Variants in MYO10 observed in about 807,000 individuals in gnomAD.
MYO10 encodes the protein unconventional myosin-X.
Under a neutral mutation model 257.3 loss-of-function variants are expected in MYO10, and 133 were observed. The ratio of observed to expected loss-of-function variants is 0.52; its 90% confidence interval spans 0.45 to 0.60. The LOEUF is 0.60. MYO10 is among the 20% of genes least tolerant of loss of function. MYO10 has a pLI of 0.00. For missense variants in MYO10, 2,399 were observed against 2,635.7 expected, an observed-to-expected ratio of 0.91 and a Z score of 1.97; for synonymous variants, 1,104 against 1,028.6, an observed-to-expected ratio of 1.07 and a Z score of -1.40.
intron 2 of MYO10, among the ~76,000 whole-genome samples, chr5:16,822,433 C>T (rs547735920): frequency 6.6e-6 from 1 of 152,198 alleles, no homozygotes; most frequent in Admixed American, 6.5e-5. Context: ...AACAAATATA[C>T]AAGTGAATAG....
In MYO10 at chr5:16,743,373, T is replaced by C. The variant is rs139259156; in HGVS notation, c.1929+11455A>G. On this transcript the variant is annotated intron_variant, in intron 19 of 40. Transcript: ENST00000513610. ...AAACTTCATTCTCAGCTGGACACGG[T>C]GGCTTACGTCTGTAATCCCAGCACT... 9.3e-4 allele frequency among the ~76,000 whole-genome samples: 141 copies of C among 152,306 alleles called. 5 individuals carry two copies. The East Asian group carries it at 0.02, about 22-fold the overall frequency.
intron 2 of MYO10, among the ~76,000 whole-genome samples, chr5:16,854,430 G>A (rs560031085): frequency 6.6e-6 from 1 of 152,276 alleles, no homozygotes; most frequent in South Asian, 2.1e-4. Flanking sequence ...ATTATGCTAA[G>A]TGAAAGAAGC....
chr5:16,834,404 G>C (rs1175087062), intron 2 of MYO10, among the ~76,000 whole-genome samples: 1 of 152,124 alleles, frequency 6.6e-6, no homozygotes, highest in African/African-American at 2.4e-5. Context: ...AGCAAATCCT[G>C]GTGTCTACAA....
intron 2 of MYO10, among the ~76,000 whole-genome samples, chr5:16,829,747 C>T (rs556086802): frequency 2.0e-5 from 3 of 152,202 alleles, no homozygotes; most frequent in African/African-American, 2.4e-5. Context: ...GCAGTGCAGA[C>T]GCAACGAACA....
intron 1 of MYO10, 36 bp from the exon 2 acceptor site, chr5:16,877,743 G>T: frequency 6.4e-7 from 1 of 1,553,760 alleles, no homozygotes; most frequent in South Asian, 1.1e-5. Flanking sequence ...ACTGAGTTTG[G>T]ATTGCATTTT....
chr5:16,830,679 G>GCACACACACACACTCA (rs1554000806), intron 2 of MYO10, among the ~76,000 whole-genome samples: 16 of 149,022 alleles, frequency 1.1e-4, no homozygotes, highest in Non-Finnish European at 1.6e-4. Context: ...TTTTTAATAG[G>GCACACACACACACTCA]CACACACACA....
intron 9 of MYO10, among the ~76,000 whole-genome samples, chr5:16,778,528 G>A (rs959958915): frequency 3.3e-5 from 5 of 152,050 alleles, no homozygotes; most frequent in African/African-American, 1.2e-4. Context: ...GCATCCCACA[G>A]TGAACTGGAG....
chr5:16,883,189 A>G (rs538383088), intron 1 of MYO10, among the ~76,000 whole-genome samples: 2 of 152,250 alleles, frequency 1.3e-5, no homozygotes, highest in Admixed American at 6.5e-5. Context: ...TGCTGGGATT[A>G]CAGGTGTGAG....
At chr5:16,848,151 A>ATTTCTTTTTT (rs1378523507) in intron 2 of MYO10, among the ~76,000 whole-genome samples, 3 of 91,678 alleles carry the variant, frequency 3.3e-5, no homozygotes, top group African/African-American at 1.8e-4. Context: ...AGAACTACAC[A>ATTTCTTTTTT]TTTCTTTTTT....
intron 2 of MYO10, among the ~76,000 whole-genome samples, chr5:16,868,969 T>C (rs936997327): frequency 6.6e-6 from 1 of 152,122 alleles, no homozygotes; most frequent in Non-Finnish European, 1.5e-5. Context: ...AAAGACTGAA[T>C]GAAATAAGAA....
At chr5:16,732,679 C>T (rs1199158058) in intron 19 of MYO10, among the ~76,000 whole-genome samples, 1 of 151,996 alleles carries the variant, frequency 6.6e-6, no homozygotes, top group African/African-American at 2.4e-5. Context: ...GTTATGTCCA[C>T]GCAGTGAGGA....
intron 33 of MYO10, among the ~76,000 whole-genome samples, 181 bp downstream of exon 33, chr5:16,679,766 C>A (rs1208345834): frequency 2.0e-5 from 3 of 152,088 alleles, no homozygotes; most frequent in African/African-American, 7.2e-5. Flanking sequence ...CTCAAGTGAT[C>A]CACCTGCCTC....
In MYO10 at chr5:16,893,196, C is replaced by CAAAAAAAAAA. The variant is rs59761183; in HGVS notation, c.22-15499_22-15490dup. On this transcript the variant is annotated intron_variant, in intron 1 of 40. Coordinates refer to ENST00000513610, the MANE Select transcript of MYO10 (RefSeq NM_012334.3). The stretch of plus-strand genomic sequence containing the variant: ...TGGGTGACACAGTGAGACTCTGTCT[C>CAAAAAAAAAA]AAAAAAAAAAAAAAAAAAAGAACTT... 6.5e-3 allele frequency among the ~76,000 whole-genome samples: 452 copies of CAAAAAAAAAA among 69,434 alleles called. 28 individuals are homozygous for CAAAAAAAAAA. Among genetic ancestry groups the CAAAAAAAAAA allele is most frequent in the Middle Eastern group, 0.01 (1 of 98 alleles). The allele number at this position is 69,434 out of a possible 152,430, so 45.6% of individuals were successfully genotyped here.
intron 4 of MYO10, among the ~76,000 whole-genome samples, chr5:16,791,928 C>T (rs1399650588): frequency 1.3e-5 from 2 of 152,104 alleles, no homozygotes; most frequent in Admixed American, 1.3e-4. Flanking sequence ...TATTAAGCAG[C>T]CGCTTCATTT....
chr5:16,699,737 A>C lies in MYO10; in HGVS notation c.3433-164T>G. 6.7e-6 allele frequency: 4 copies of C among 595,968 alleles called. No individual in the cohort carries two copies. In the South Asian group the frequency reaches 7.2e-5, roughly 11 times the overall value. The allele number at this position is 595,968 out of a possible 1,614,324, so 36.9% of individuals were successfully genotyped here. A position where few individuals can be genotyped will look rare whatever the true frequency, so the allele number is the denominator to read the frequency against. ...AGGAGGCAGTGACTGCACTGAGCAG[A>C]GATCGTGCCACTGCACTCCAGCCTG... On this transcript the variant is annotated intron_variant, in intron 25 of 40. Coordinates refer to ENST00000513610, the MANE Select transcript of MYO10 (RefSeq NM_012334.3).
intron 2 of MYO10, among the ~76,000 whole-genome samples, chr5:16,842,159 C>A (rs997335560): frequency 1.5e-4 from 23 of 152,224 alleles, no homozygotes; most frequent in African/African-American, 5.5e-4. Flanking sequence ...AGATCATGTG[C>A]CCCCAGACCT....
Position 16,701,932 on chromosome 5 carries a change from T to A in MYO10, c.2557-94A>T. The A allele has an allele frequency of 4.3e-6, 6 of 1,383,108 alleles. No individual in the cohort carries two copies. The highest frequency in any genetic ancestry group is 4.8e-6 in the Non-Finnish European group (5 of 1,032,300). 85.7% of individuals were successfully genotyped at this position (1,383,108 alleles called of 1,614,324 possible). A position where few individuals can be genotyped will look rare whatever the true frequency, so the allele number is the denominator to read the frequency against. On this transcript the variant is annotated intron_variant, in intron 24 of 40. Coordinates refer to ENST00000513610, the MANE Select transcript of MYO10 (RefSeq NM_012334.3). The surrounding 1 kb of genome is among the most constrained non-coding windows in gnomAD (Gnocchi z 8.1). Reference sequence around the variant, plus strand: ...CAACCAGGATGAAATATGGTCATTATGAGTTGGACTGTGTCCCCATAAAGT... The same window carrying A: ...CAACCAGGATGAAATATGGTCATTAAGAGTTGGACTGTGTCCCCATAAAGT...
At chr5:16,819,398 C>T (rs1350724662) in intron 2 of MYO10, among the ~76,000 whole-genome samples, 1 of 152,144 alleles carries the variant, frequency 6.6e-6, no homozygotes, top group Non-Finnish European at 1.5e-5. Flanking sequence ...CATTAAGCTC[C>T]ATCTGTTGAC....
chr5:16,681,840 A>C (rs754337661), intron 31 of MYO10, 31 bp downstream of exon 31: 3 of 1,609,050 alleles, frequency 1.9e-6, no homozygotes, highest in Non-Finnish European at 2.5e-6. Flanking sequence ...GAGTCTGTTA[A>C]GCAGACCGAG....
Sources: gnomAD v4.1 joint callset for allele counts (sites outside exome capture counted in the v4.1 genomes callset) on GRCh38, gnomAD v4.1.1 for gene constraint, Gnocchi (gnomAD v3.1) non-coding constraint, MANE v1.5 for transcripts, NCBI Gene and HGNC (gene_info 2026-07-23, HGNC 2026-07-21) for gene names.